The following UGGT1 variants were observed in gnomAD, a reference collection of about 807,000 sequenced individuals.
The protein encoded by UGGT1 is UDP-glucose:glycoprotein glucosyltransferase 1.
In UGGT1, 107 loss-of-function variants were observed where a neutral mutation model predicts 203.9. The observed-to-expected ratio is 0.52, with a 90% CI of 0.45 to 0.62. The LOEUF (loss-of-function observed/expected upper bound fraction) is 0.62. Ranked by LOEUF, UGGT1 falls within the 20% of genes least tolerant of loss-of-function variation. The probability of loss-of-function intolerance (pLI) is 0.00; values close to 1 mark genes in which losing one functional copy is unlikely to be tolerated. For synonymous variants in UGGT1, 628 were observed against 653.5 expected (o/e 0.96, Z 0.59); for missense variants, 1,673 against 1,867.2 (o/e 0.90, Z 1.92).
At chr2:128,103,847 C>T in intron 2 of UGGT1, 85 bp from the exon 3 acceptor site, 2 of 987,800 alleles carry the variant, frequency 2.0e-6, no homozygotes, top group Non-Finnish European at 2.9e-6. Flanking sequence ...TTGGAAACTT[C>T]AAAACTTATT....
At chr2:128,111,511 T>A (rs1379322353) in intron 5 of UGGT1, among the ~76,000 whole-genome samples, 2 of 152,112 alleles carry the variant, frequency 1.3e-5, no homozygotes, top group African/African-American at 2.4e-5. Context: ...TTATTTATTA[T>A]TTATTTATTT....
At chr2:128,182,339 T>A in intron 37 of UGGT1, 49 bp downstream of exon 37, 3 of 1,553,054 alleles carry the variant, frequency 1.9e-6, no homozygotes, top group Non-Finnish European at 2.6e-6. Context: ...TTCCTTAAAA[T>A]TGATTTTGTG....
At chr2:128,110,322 G>T (rs1459968224) in intron 5 of UGGT1, among the ~76,000 whole-genome samples, 1 of 152,100 alleles carries the variant, frequency 6.6e-6, no homozygotes, top group Middle Eastern at 3.2e-3. Context: ...AAACAGAACC[G>T]TGATCTCTCC....
At chr2:128,159,812 T>C (rs1690439953) in intron 23 of UGGT1, 92 bp downstream of exon 23, 1 of 1,332,992 alleles carries the variant, frequency 7.5e-7, no homozygotes, top group African/African-American at 1.5e-5. Flanking sequence ...ATGATCACGA[T>C]TTGTCATTTT....
At chr2:128,119,355 G>T (rs1271099609) in intron 8 of UGGT1, among the ~76,000 whole-genome samples, 1 of 152,002 alleles carries the variant, frequency 6.6e-6, no homozygotes, top group African/African-American at 2.4e-5. Context: ...ACTTTGGGAG[G>T]CTGAGGCGGG....
chr2:128,132,755 G>A (rs778843742), intron 13 of UGGT1, among the ~76,000 whole-genome samples: 1 of 152,014 alleles, frequency 6.6e-6, no homozygotes, highest in African/African-American at 2.4e-5. Flanking sequence ...CTGTTGTTCA[G>A]GCTGGAGTGC....
At chr2:128,126,150 G>A (rs10928807) in intron 11 of UGGT1, among the ~76,000 whole-genome samples, 20,515 of 151,346 alleles carry the variant, frequency 0.14, 1,518 homozygotes, top group Non-Finnish European at 0.16. Context: ...CACCATGTTG[G>A]CCAGGATGAT....
intron 25 of UGGT1, among the ~76,000 whole-genome samples, chr2:128,163,373 GT>G (rs5834199): frequency 0.54 from 61,874 of 113,942 alleles, 14,215 homozygotes; most frequent in South Asian, 0.62. Context: ...AAATTGGAGT[GT>G]TTTTTTTTTT....
chr2:128,125,942 CT>C (rs34988352), intron 11 of UGGT1, among the ~76,000 whole-genome samples: 38,079 of 131,628 alleles, frequency 0.29, 5,331 homozygotes, highest in Non-Finnish European at 0.38. Flanking sequence ...TAAATATATA[CT>C]TTTTTTTTTT....
chr2:128,120,413 G>A lies in UGGT1; in HGVS notation c.930G>A (p.Glu310=). The change falls in exon 9 of 41, where the codon GAG becomes GAA. Residue 310 remains glutamate (E), a synonymous_variant. Coordinates refer to ENST00000259253, the MANE Select transcript of UGGT1 (RefSeq NM_020120.4). ...QLKELRKHLV[E]STNEMAPLKV... ...AAGAACTCAGAAAGCATCTTGTAGA[G>A]AGCACCAATGAAATGGCACCTTTAA... 6.2e-7 allele frequency: 1 copy of A among 1,614,012 alleles called. No homozygotes were observed. The highest frequency in any genetic ancestry group is 8.5e-7 in the Non-Finnish European group (1 of 1,179,950).
chr2:128,164,645 G>C, intron 25 of UGGT1, 85 bp from the exon 26 acceptor site: 1 of 1,090,690 alleles, frequency 9.2e-7, no homozygotes, highest in African/African-American at 1.5e-5. Flanking sequence ...TTAGAATTCA[G>C]TATTTGGGCT....
intron 21 of UGGT1, 129 bp from the exon 22 acceptor site, chr2:128,157,123 T>A: frequency 1.5e-6 from 1 of 687,200 alleles, no homozygotes; most frequent in Admixed American, 2.7e-5. Context: ...TCTATCTTTA[T>A]TAAGCTTGTC....
chr2:128,148,987 A>C (rs879696936), intron 18 of UGGT1, among the ~76,000 whole-genome samples: 10 of 152,162 alleles, frequency 6.6e-5, no homozygotes, highest in Non-Finnish European at 1.5e-4. Flanking sequence ...GGCTTTGTGC[A>C]GCTGGGGAGA....
At chr2:128,117,708 T>C (rs1688180891) in intron 8 of UGGT1, among the ~76,000 whole-genome samples, 1 of 151,940 alleles carries the variant, frequency 6.6e-6, no homozygotes, top group African/African-American at 2.4e-5. Context: ...CACACCCGGC[T>C]AATTTTTTGT....
chr2:128,133,967 T>C (rs1431389858), intron 14 of UGGT1, among the ~76,000 whole-genome samples: 1 of 152,166 alleles, frequency 6.6e-6, no homozygotes, highest in Non-Finnish European at 1.5e-5. Flanking sequence ...GTAGGGTTAG[T>C]GCCAAGGTTG....
chr2:128,169,421 A>G (rs750598269), intron 26 of UGGT1, among the ~76,000 whole-genome samples: 10 of 152,138 alleles, frequency 6.6e-5, no homozygotes, highest in Non-Finnish European at 5.9e-5. Context: ...CTATAACTTA[A>G]TGCTGACGAA....
intron 2 of UGGT1, among the ~76,000 whole-genome samples, chr2:128,100,818 A>C (rs1339981681): frequency 1.3e-5 from 2 of 152,162 alleles, no homozygotes; most frequent in African/African-American, 4.8e-5. Context: ...ATTGTCCTAG[A>C]AGATTCTTAC....
At chr2:128,098,947 G>A (rs541609520) in intron 2 of UGGT1, among the ~76,000 whole-genome samples, 1 of 152,222 alleles carries the variant, frequency 6.6e-6, no homozygotes, top group Non-Finnish European at 1.5e-5. Context: ...AATGCTTATG[G>A]ATGGAAGGTT....
At chr2:128,174,652 T>G (rs1377213609) in intron 30 of UGGT1, 121 bp from the exon 31 acceptor site, 12 of 881,834 alleles carry the variant, frequency 1.4e-5, no homozygotes, top group Non-Finnish European at 2.1e-5. Context: ...TTGCATTGAT[T>G]TGTTTACTGT....
Sources: allele counts gnomAD v4.1 joint callset (sites outside exome capture counted in the v4.1 genomes callset), GRCh38; gene constraint gnomAD v4.1.1; transcripts MANE v1.5; gene names NCBI Gene and HGNC (gene_info 2026-07-23, HGNC 2026-07-21).